The following ASIC2 variants were observed in gnomAD, a reference collection of about 807,000 sequenced individuals.
ASIC2 encodes the protein acid sensing ion channel subunit 2.
A neutral mutation model predicts 57.3 loss-of-function variants in ASIC2; 25 were observed. The ratio of observed to expected loss-of-function variants is 0.44; its 90% confidence interval spans 0.32 to 0.61. The LOEUF is 0.61. Ranked by LOEUF, ASIC2 falls within the 20% of genes least tolerant of loss-of-function variation. The pLI is 0.06. For synonymous variants in ASIC2, 319 were observed against 307.5 expected (o/e 1.04, Z -0.39); for missense variants, 641 against 738.1 (o/e 0.87, Z 1.52).
At chr17:33,298,674 C>T (rs956870388) in intron 1 of ASIC2, among the ~76,000 whole-genome samples, 15 of 152,232 alleles carry the variant, frequency 9.9e-5, no homozygotes, top group African/African-American at 3.6e-4. Context: ...AATCACCACA[C>T]TGTCTTCCAC....
At chr17:33,844,842 T>C (rs748222227) in intron 1 of ASIC2, among the ~76,000 whole-genome samples, 1 of 152,208 alleles carries the variant, frequency 6.6e-6, no homozygotes, top group African/African-American at 2.4e-5. Flanking sequence ...TCTCATAATA[T>C]ATTTATATAA....
chr17:33,872,665 G>C (rs1914447826), intron 1 of ASIC2, among the ~76,000 whole-genome samples: 1 of 152,074 alleles, frequency 6.6e-6, no homozygotes, highest in South Asian at 2.1e-4. Context: ...ATGCTGGAAG[G>C]AACACCCCTT....
chr17:33,015,047 C>T (rs1319814138), intron 9 of ASIC2, among the ~76,000 whole-genome samples: 1 of 152,232 alleles, frequency 6.6e-6, no homozygotes, highest in Non-Finnish European at 1.5e-5. Flanking sequence ...ACTGCCCTCC[C>T]CTTCCCCACT....
intron 1 of ASIC2, among the ~76,000 whole-genome samples, chr17:33,179,825 T>C (rs906651036): frequency 1.3e-5 from 2 of 152,246 alleles, no homozygotes; most frequent in Non-Finnish European, 2.9e-5. Context: ...TAACGTATCA[T>C]TGTGGGTCAC....
At chr17:33,626,232 G>T (rs1195963946) in intron 1 of ASIC2, among the ~76,000 whole-genome samples, 1 of 152,060 alleles carries the variant, frequency 6.6e-6, no homozygotes, top group Non-Finnish European at 1.5e-5. Flanking sequence ...AATTTAATGT[G>T]GTTGGTAAGT....
At chr17:33,664,043 C>T (rs923925053) in intron 1 of ASIC2, among the ~76,000 whole-genome samples, 5 of 152,136 alleles carry the variant, frequency 3.3e-5, no homozygotes, top group South Asian at 2.1e-4. Context: ...CTTTGAAATG[C>T]GTCCTATAAA....
chr17:34,087,822 T>C (rs1269276397), intron 1 of ASIC2, among the ~76,000 whole-genome samples: 2 of 152,132 alleles, frequency 1.3e-5, no homozygotes, highest in Non-Finnish European at 2.9e-5. Context: ...TTTCTTCCAG[T>C]TGATCGCATT....
At chr17:34,135,654 A>G (rs1263572298) in intron 1 of ASIC2, among the ~76,000 whole-genome samples, 1 of 152,126 alleles carries the variant, frequency 6.6e-6, no homozygotes, top group African/African-American at 2.4e-5. Context: ...GCACAGGATG[A>G]TGAAGTTTCC....
At chr17:34,109,587 C>T (rs1287973156) in intron 1 of ASIC2, among the ~76,000 whole-genome samples, 1 of 152,134 alleles carries the variant, frequency 6.6e-6, no homozygotes, top group Non-Finnish European at 1.5e-5. Context: ...TTCTCTTGAT[C>T]GATATCCTTT....
intron 1 of ASIC2, among the ~76,000 whole-genome samples, chr17:33,422,080 T>C (rs1430606485): frequency 6.6e-6 from 1 of 152,218 alleles, no homozygotes; most frequent in African/African-American, 2.4e-5. Context: ...AAGCCTTTCT[T>C]ACATGACAGC....
chr17:33,520,679 C>T (rs915177870), intron 1 of ASIC2, among the ~76,000 whole-genome samples: 2 of 152,230 alleles, frequency 1.3e-5, no homozygotes, highest in Non-Finnish European at 2.9e-5. Context: ...CCTCTTGGGG[C>T]TATGAAGGGT....
chr17:33,907,065 G>A (rs920381413), intron 1 of ASIC2, among the ~76,000 whole-genome samples: 4 of 152,138 alleles, frequency 2.6e-5, no homozygotes, highest in African/African-American at 9.7e-5. Flanking sequence ...GAGAGCTCAG[G>A]TAAATCCTTG....
intron 1 of ASIC2, among the ~76,000 whole-genome samples, chr17:33,395,171 CCCATCCACCCTT>C (rs1910032779): frequency 7.0e-6 from 1 of 142,870 alleles, no homozygotes; most frequent in South Asian, 2.6e-4. Flanking sequence ...CACCCATTTA[CCCATCCACCCTT>C]CCATCAACCT....
At chr17:33,586,167 C>A (rs778102525) in intron 1 of ASIC2, among the ~76,000 whole-genome samples, 5 of 152,160 alleles carry the variant, frequency 3.3e-5, no homozygotes, top group Non-Finnish European at 7.3e-5. Context: ...CGCAAAGTCA[C>A]CCTGTCTCAG....
chr17:33,684,443 G>A (rs1338576547), intron 1 of ASIC2, among the ~76,000 whole-genome samples: 1 of 150,776 alleles, frequency 6.6e-6, no homozygotes, highest in Non-Finnish European at 1.5e-5. Flanking sequence ...TTCTTTGCAG[G>A]ACATCATGAA....
intron 1 of ASIC2, among the ~76,000 whole-genome samples, chr17:33,713,906 T>C (rs763710746): frequency 2.0e-5 from 3 of 152,266 alleles, no homozygotes; most frequent in Non-Finnish European, 4.4e-5. Context: ...AAACTAGTTA[T>C]GTCTTTTTGA....
intron 1 of ASIC2, among the ~76,000 whole-genome samples, chr17:33,998,755 T>C (rs1242446377): frequency 1.3e-5 from 2 of 152,188 alleles, no homozygotes. Context: ...TTTAATCTTC[T>C]TAAATTTGTT....
intron 1 of ASIC2, among the ~76,000 whole-genome samples, chr17:33,260,985 T>C (rs1261212206): frequency 2.0e-5 from 3 of 152,226 alleles, no homozygotes; most frequent in Admixed American, 1.3e-4. Context: ...AACATTCTGA[T>C]TTCATTCCTT....
chr17:33,744,460 T>C (rs190808253), intron 1 of ASIC2, among the ~76,000 whole-genome samples: 52 of 152,288 alleles, frequency 3.4e-4, no homozygotes, highest in Admixed American at 3.0e-3. Context: ...AGGTGAGCAC[T>C]GAGGAGCAAG....
Sources: gnomAD v4.1 joint callset for allele counts (sites outside exome capture counted in the v4.1 genomes callset) on GRCh38, gnomAD v4.1.1 for gene constraint, MANE v1.5 for transcripts, NCBI Gene and HGNC (gene_info 2026-07-23, HGNC 2026-07-21) for gene names.